Variants in AKR7A3 observed in about 807,000 individuals in gnomAD.
AKR7A3 encodes AFB1 aldehyde reductase 2.
In AKR7A3, 37 loss-of-function variants were observed where a neutral mutation model predicts 32.5. That is an observed-to-expected ratio of 1.14 (90% CI 0.88 to 1.50). The LOEUF (loss-of-function observed/expected upper bound fraction) is 1.50, where lower values mean the gene tolerates loss of function less well. Among genes scored for constraint, AKR7A3 ranks in the 40% most tolerant of loss-of-function variants. The pLI is 0.00. For missense variants in AKR7A3, 412 were observed against 453.2 expected (o/e 0.91, Z 0.83); for synonymous variants, 177 against 188.4 (o/e 0.94, Z 0.50).
At chr1:19,278,677 C>T (rs2093714535), downstream of AKR7A3, among the ~76,000 whole-genome samples, 1 of 151,912 alleles carries the variant, frequency 6.6e-6, no homozygotes, top group Admixed American at 6.5e-5. Flanking sequence ...TTCATGTATT[C>T]AGAGGTGTAC....
At position 19,288,518 on chromosome 1, in the gene AKR7A3, C is replaced by A. The variant is rs764617368; in HGVS notation, c.192G>T (p.Arg64=). 6.2e-6 allele frequency: 10 copies of A among 1,610,136 alleles called. No homozygotes were observed. The highest frequency in any genetic ancestry group is 5.1e-6 in the Non-Finnish European group (6 of 1,178,746). ...SETILGGLGL[R]LGGSDCRVKI... ...TACCTCTGCAGTCGCTGCCGCCCAG[C>A]CGGAGCCCCAGGCCGCCAAGGATGG... Residue 64 remains arginine (R), a synonymous_variant, in exon 1 of 7, where the codon CGG becomes CGT. Coordinates refer to ENST00000361640, the MANE Select transcript of AKR7A3 (RefSeq NM_012067.3).
chr1:19,279,372 A>C (rs941471147), downstream of AKR7A3, among the ~76,000 whole-genome samples: 30 of 151,884 alleles, frequency 2.0e-4, 1 homozygote, highest in African/African-American at 7.0e-4. Context: ...TATTATGAGT[A>C]ATGATATTGT....
downstream of AKR7A3, among the ~76,000 whole-genome samples, chr1:19,281,656 T>A (rs1558129978): frequency 1.3e-5 from 2 of 151,734 alleles, no homozygotes; most frequent in Admixed American, 1.3e-4. Context: ...AAAATAAAAA[T>A]AAATAAAAAA....
Position 19,284,783 on chromosome 1 carries a change from C to G in AKR7A3, c.607G>C (p.Gly203Arg), listed in dbSNP as rs764062727. The G allele has an allele frequency of 1.9e-5, 31 of 1,613,856 alleles. No individual in the cohort carries two copies. The highest frequency in any genetic ancestry group is 2.6e-5 in the Non-Finnish European group (31 of 1,179,948). Residue 203 changes from glycine (G) to arginine (R), a missense_variant and splice_region_variant, in exon 5 of 7, where the codon GGC becomes CGC. Transcript: ENST00000361640. ...TACTTGTACTTGCCGGTCAGCAGGC[C>G]CCCTGAGGGAAAGCAGCAATCAGCC... is the stretch of plus-strand genomic sequence containing the variant. The part of the protein sequence containing the change: ...RFYAFNPLAG[G>R]LLTGKYKYED...
Position 19,285,037 on chromosome 1 carries a change from A to G in AKR7A3, c.585T>C (p.Tyr195=). 1.2e-6 allele frequency: 2 copies of G among 1,612,896 alleles called. No individual in the cohort carries two copies. Among genetic ancestry groups the G allele is most frequent in the African/African-American group, 1.3e-5 (1 of 74,724 alleles). ...PCLRHFGLRF[Y]AFNPLAGGLL... ...ACGTACCAGCCAGAGGGTTGAAGGC[A>G]TAGAACCTCAGTCCAAAGTGCCTGA... The change falls in exon 4 of 7, where the codon TAT becomes TAC. Residue 195 remains tyrosine (Y), a synonymous_variant. Coordinates refer to ENST00000361640, the MANE Select transcript of AKR7A3 (RefSeq NM_012067.3).
downstream of AKR7A3, among the ~76,000 whole-genome samples, chr1:19,280,338 G>C (rs2093716835): frequency 6.6e-6 from 1 of 151,446 alleles, no homozygotes; most frequent in African/African-American, 2.4e-5. Context: ...CTGCCTCCTG[G>C]GTTCAAGTGA....
At chr1:19,282,919 C>T in intron 6 of AKR7A3, 27 bp from the exon 7 acceptor site, 13 of 1,601,058 alleles carry the variant, frequency 8.1e-6, no homozygotes, top group Non-Finnish European at 1.0e-5. Flanking sequence ...CAGACTTCAA[C>T]CCTCTTCTGC....
the AKR7A3 span, among the ~76,000 whole-genome samples, chr1:19,276,461 C>T: frequency 3.3e-5 from 5 of 150,948 alleles, no homozygotes; most frequent in Admixed American, 2.6e-4. Context: ...TCCAAGTGCA[C>T]ATCCACCAAG....
At chr1:19,287,649 G>A (rs1489092631) in intron 1 of AKR7A3, among the ~76,000 whole-genome samples, 5 of 151,928 alleles carry the variant, frequency 3.3e-5, no homozygotes, top group East Asian at 3.9e-4. Context: ...TCCAGCACCC[G>A]CGGCATTGCC....
intron 1 of AKR7A3, among the ~76,000 whole-genome samples, chr1:19,287,855 A>T (rs1183852258): frequency 6.6e-6 from 1 of 152,098 alleles, no homozygotes; most frequent in African/African-American, 2.4e-5. Flanking sequence ...ATAGCCTCCG[A>T]CAGAGCCTCC....
Position 19,282,863 on chromosome 1 carries a change from G to A in AKR7A3, c.864C>T (p.Gly288=). 6.2e-7 allele frequency: 1 copy of A among 1,612,932 alleles called. No homozygotes were observed. Among genetic ancestry groups the A allele is most frequent in the Non-Finnish European group, 8.5e-7 (1 of 1,179,854 alleles). The change falls in exon 7 of 7, where the codon GGC becomes GGT. Residue 288 remains glycine (G), a synonymous_variant. Transcript: ENST00000361640. The part of the protein sequence containing the change: ...QGAHGDAVIL[G]MSSLEQLEQN... ...GCTCCAGCTGCTCCAGGCTGGACAT[G>A]CCCAGGATGACCGCGTCCCCGTGGG...
chr1:19,276,194 C>G, the AKR7A3 span, among the ~76,000 whole-genome samples: 3 of 151,370 alleles, frequency 2.0e-5, no homozygotes, highest in Non-Finnish European at 2.9e-5. Context: ...AACCCCGTCT[C>G]TACTAAAAAT....
intron 1 of AKR7A3, 105 bp downstream of exon 1, chr1:19,288,391 A>G (rs1016500028): frequency 1.4e-5 from 20 of 1,414,944 alleles, no homozygotes; most frequent in Non-Finnish European, 1.9e-5. Context: ...TGGGGGGGAC[A>G]AAACTTTGGG....
chr1:19,274,919 C>G, the AKR7A3 span, among the ~76,000 whole-genome samples: 5 of 28,704 alleles, frequency 1.7e-4, no homozygotes, highest in East Asian at 6.2e-3. Flanking sequence ...AAAAAAAGAC[C>G]AATAGACAGA....
rs1009092357 is a variant in AKR7A3, at chr1:19,288,737, C to T, written c.-28G>A. 5.6e-6 allele frequency: 8 copies of T among 1,436,008 alleles called. No homozygotes were observed. The highest frequency in any genetic ancestry group is 3.0e-5 in the African/African-American group (2 of 67,320). The allele number at this position is 1,436,008 out of a possible 1,614,324, so 89.0% of individuals were successfully genotyped here. ...CGGCGGCAACGGGAGACTGTGACAG[C>T]CCAGGAGCCGCGCGCAGCGGTCGGA... is the stretch of plus-strand genomic sequence containing the variant. On this transcript the variant is annotated 5_prime_UTR_variant, in exon 1 of 7. Coordinates refer to ENST00000361640, the MANE Select transcript of AKR7A3 (RefSeq NM_012067.3).
At chr1:19,286,411 G>T in intron 1 of AKR7A3, 39 bp from the exon 2 acceptor site, 1 of 1,598,158 alleles carries the variant, frequency 6.3e-7, no homozygotes, top group Non-Finnish European at 8.6e-7. Context: ...GCCAGGCGCC[G>T]TGGCTCATGC....
downstream of AKR7A3, among the ~76,000 whole-genome samples, chr1:19,277,886 T>TA (rs2093713467): frequency 6.6e-6 from 1 of 151,990 alleles, no homozygotes; most frequent in African/African-American, 2.4e-5. Context: ...TCTTTACAGA[T>TA]ATGTGATTTG....
At chr1:19,276,323 T>C in the AKR7A3 span, among the ~76,000 whole-genome samples, 1 of 136,012 alleles carries the variant, frequency 7.4e-6, no homozygotes, top group Admixed American at 8.2e-5. Context: ...ATTGCGCCAC[T>C]GCAGTCCAGA....
At chr1:19,284,962 C>T in intron 4 of AKR7A3, 56 bp downstream of exon 4, 2 of 1,609,280 alleles carry the variant, frequency 1.2e-6, no homozygotes, top group East Asian at 2.2e-5. Context: ...AGGTCCTGGG[C>T]TGGGCATCTG....
Sources: gnomAD v4.1 joint callset for allele counts (sites outside exome capture counted in the v4.1 genomes callset) on GRCh38, gnomAD v4.1.1 for gene constraint, MANE v1.5 for transcripts, NCBI Gene and HGNC (gene_info 2026-07-23, HGNC 2026-07-21) for gene names.